ANO8: variants seen among roughly 807,000 people sequenced by gnomAD.
ANO8 encodes anoctamin 8.
A neutral mutation model predicts 120.4 loss-of-function variants in ANO8; 67 were observed. The ratio of observed to expected loss-of-function variants is 0.56; its 90% CI spans 0.46 to 0.68. ANO8 has a LOEUF of 0.68. ANO8 is among the 30% of genes least tolerant of loss of function. The pLI, the probability that ANO8 is intolerant of heterozygous loss-of-function variation, is 0.00. For missense variants in ANO8, 1,526 were observed against 1,737.6 expected, an observed-to-expected ratio of 0.88 and a Z score of 2.16; for synonymous variants, 727 against 759.2, an observed-to-expected ratio of 0.96 and a Z score of 0.70.
intron 16 of ANO8, among the ~76,000 whole-genome samples, chr19:17,326,200 A>C (rs141112702): frequency 6.6e-6 from 1 of 152,340 alleles, no homozygotes; most frequent in African/African-American, 2.4e-5. Flanking sequence ...CCCAGAGAAC[A>C]GGCAAGAGAC....
At position 17,333,860 on chromosome 19, in the gene ANO8, G is replaced by T; in HGVS notation, c.107-60C>A. 7.0e-7 allele frequency: 1 copy of T among 1,426,312 alleles called. No individual in the cohort carries two copies. The highest frequency in any genetic ancestry group is 9.7e-7 in the Non-Finnish European group (1 of 1,035,648). 88.4% of individuals were successfully genotyped at this position (1,426,312 alleles called of 1,614,324 possible). On this transcript the variant is annotated intron_variant, in intron 1 of 17. Coordinates refer to ENST00000159087, the MANE Select transcript of ANO8 (RefSeq NM_020959.3). The surrounding 1 kb of genome is among the most constrained non-coding windows in gnomAD (Gnocchi z 7.2). Reference sequence around the variant, plus strand: ...CTCTGGGATCCGGACCCGGCCTCCAGTCTTGGCTCCTCCTGCCCCCGCCAG... The same window carrying T: ...CTCTGGGATCCGGACCCGGCCTCCATTCTTGGCTCCTCCTGCCCCCGCCAG...
At position 17,324,795 on chromosome 19, in the gene ANO8, G is replaced by A. The variant is rs754345088; in HGVS notation, c.3253C>T (p.Arg1085Trp). ...PDGTPSSGSS[R>W]VQRSGPVDEA... is the part of the protein sequence containing the mutation. ...TCCACCGGCCCACTCCTCTGAACCCGGCTGCTGCCACTGCTGGGGGTCCCA... is the reference window on the plus strand; with the variant it reads ...TCCACCGGCCCACTCCTCTGAACCCAGCTGCTGCCACTGCTGGGGGTCCCA... Residue 1085 changes from arginine to tryptophan, a missense_variant, in exon 17 of 18, where the codon CGG becomes TGG. Arg to Trp is a moderately radical substitution (Grantham distance 101). This residue lies in a region of ANO8 where 489 missense variants were observed against 548.6 expected (regional missense o/e 0.89). Coordinates refer to ENST00000159087, the MANE Select transcript of ANO8 (RefSeq NM_020959.3). 4.4e-6 allele frequency: 7 copies of A among 1,593,800 alleles called. No individual in the cohort carries two copies. The highest frequency in any genetic ancestry group is 1.8e-5 in the Admixed American group (1 of 57,000).
rs1476290872 is a variant in ANO8, at chr19:17,330,158, A to C, written c.1240T>G (p.Tyr414Asp). Residue 414 changes from tyrosine (Y) to aspartate (D), a missense_variant, in exon 10 of 18, where the codon TAC (tyrosine) becomes GAC (aspartate). Physicochemically the swap from Tyr to Asp is radical, Grantham distance 160. Coordinates refer to ENST00000159087, the MANE Select transcript of ANO8 (RefSeq NM_020959.3). ...TTGAGCCAGATGGCTAGCTTCTTGT[A>C]GCCCTCGGCACTCACACTGACAAGC... ...ALLVSVSAEG[Y>D]KKLAIWLNDM... is the part of the protein sequence containing the mutation. The C allele has an allele frequency of 6.2e-7, 1 of 1,613,912 alleles. No homozygotes were observed. The highest frequency in any genetic ancestry group is 8.5e-7 in the Non-Finnish European group (1 of 1,180,020).
In ANO8 at chr19:17,333,057, C is replaced by G; in HGVS notation, c.490-31G>C. Reference sequence around the variant, plus strand: ...AGGAAGAGGGCGTGAGCTCAGGGAACTCATAGGCACAGGATGCATGCGGGG... The same window carrying G: ...AGGAAGAGGGCGTGAGCTCAGGGAAGTCATAGGCACAGGATGCATGCGGGG... On this transcript the variant is annotated intron_variant, in intron 4 of 17. Coordinates refer to ENST00000159087, the MANE Select transcript of ANO8 (RefSeq NM_020959.3). The surrounding 1 kb of genome is among the most constrained non-coding windows in gnomAD (Gnocchi z 7.2). 2 of 1,614,050 alleles carry G rather than the reference C, an allele frequency of 1.2e-6. No individual in the cohort carries two copies. The highest frequency in any genetic ancestry group is 2.2e-5 in the East Asian group (1 of 44,886).
chr19:17,331,298 G>T lies in ANO8; in HGVS notation c.700C>A (p.Leu234Ile). The change falls in exon 6 of 18, where the codon CTA (leucine) becomes ATA (isoleucine). Residue 234 changes from leucine (L) to isoleucine (I), a missense_variant. Physicochemically the swap from Leu to Ile is conservative, Grantham distance 5. Around this residue, in one of 8 missense-constraint regions of ANO8, gnomAD observed 322 missense variants for 431.8 expected, o/e 0.75. Coordinates refer to ENST00000159087, the MANE Select transcript of ANO8 (RefSeq NM_020959.3). ...WVQAVCENQPLDDICDYFGVK... is the reference protein window; with the variant it reads ...WVQAVCENQPIDDICDYFGVK... ...CACCCCCCAGCCCAGGCAGCACCTA[G>T]AGGCTGGTTTTCACACACGGCCTGC... The T allele has an allele frequency of 6.2e-7, 1 of 1,614,152 alleles. No homozygotes were observed. The highest frequency in any genetic ancestry group is 8.5e-7 in the Non-Finnish European group (1 of 1,180,030).
intron 16 of ANO8, among the ~76,000 whole-genome samples, chr19:17,325,884 TG>T (rs2145684244): frequency 6.6e-6 from 1 of 152,254 alleles, no homozygotes; most frequent in East Asian, 1.9e-4. Context: ...GCTGAGATTG[TG>T]CCATTGCACT....
At position 17,333,492 on chromosome 19, in the gene ANO8, G is replaced by T; in HGVS notation, c.280C>A (p.Leu94Ile). Residue 94 changes from leucine to isoleucine, a missense_variant, in exon 3 of 18, where the codon CTC becomes ATC. By Grantham distance (5) the Leu-to-Ile change is conservative (BLOSUM62 2). Coordinates refer to ENST00000159087, the MANE Select transcript of ANO8 (RefSeq NM_020959.3). The surrounding 1 kb of genome is among the most constrained non-coding windows in gnomAD (Gnocchi z 7.2). ...LNHIRVGIPELIVQVRHHRHT... is the reference protein window; with the variant it reads ...LNHIRVGIPEIIVQVRHHRHT... ...CGGTGGTGGCGGACTTGCACGATGA[G>T]CTCGGGAATGCCCACGCGGATGTGG... is the stretch of plus-strand genomic sequence containing the variant. The T allele has an allele frequency of 6.2e-7, 1 of 1,613,196 alleles. No individual in the cohort carries two copies. The highest frequency in any genetic ancestry group is 8.5e-7 in the Non-Finnish European group (1 of 1,180,002).
intron 1 of ANO8, 80 bp downstream of exon 1, chr19:17,334,485 C>T (rs901443938): frequency 7.9e-7 from 1 of 1,257,946 alleles, no homozygotes; most frequent in Non-Finnish European, 1.1e-6. Context: ...TACGTTTGAC[C>T]CTGATCCTCC....
At position 17,325,211 on chromosome 19, in the gene ANO8, G is replaced by T; in HGVS notation, c.2837C>A (p.Ala946Asp). Residue 946 changes from alanine to aspartate, a missense_variant, in exon 17 of 18, where the codon GCC becomes GAC. Around this residue, in one of 8 missense-constraint regions of ANO8, gnomAD observed 489 missense variants for 548.6 expected, o/e 0.89. Coordinates refer to ENST00000159087, the MANE Select transcript of ANO8 (RefSeq NM_020959.3). The part of the protein sequence containing the change: ...GLDPATSSEK[A>D]SAKAKGSTAG... Reference sequence around the variant, plus strand: ...AGTGCTGCCCTTGGCCTTGGCAGAGGCCTTCTCGGAGGAGGTGGCAGGGTC... The same window carrying T: ...AGTGCTGCCCTTGGCCTTGGCAGAGTCCTTCTCGGAGGAGGTGGCAGGGTC... 1.2e-6 allele frequency: 2 copies of T among 1,612,316 alleles called. No homozygotes were observed. The highest frequency in any genetic ancestry group is 8.5e-7 in the Non-Finnish European group (1 of 1,179,800).
In ANO8 at chr19:17,323,549, GGGGGCT is replaced by G. The variant is rs765516826; in HGVS notation, c.3661_3666del (p.Ser1221_Pro1222del). 82 of 1,293,446 alleles carry G rather than the reference GGGGGCT, an allele frequency of 6.3e-5. No individual in the cohort carries two copies. In the East Asian group the frequency reaches 1.7e-3, roughly 27 times the overall value. 80.1% of individuals were successfully genotyped at this position (1,293,446 alleles called of 1,614,324 possible). ...CAGCCGCTGGGCCAGCACACGGCCT[GGGGGCT>G]GGGGCTGGGGCTAGGGGAGGGCGCT... On this transcript the variant is annotated inframe_deletion, in exon 18 of 18. Transcript: ENST00000159087.
Position 17,327,579 on chromosome 19 carries a change from G to A in ANO8, c.2419-10C>T. ...TGGCCTCCATCACCTTCTGCAGGGC[G>A]GCAGGAGGGCTCAGGCGGGGTCCAG... On this transcript the variant is annotated splice_polypyrimidine_tract_variant and intron_variant, in intron 14 of 17. Transcript: ENST00000159087. 5 of 1,613,220 alleles carry A rather than the reference G, an allele frequency of 3.1e-6. No homozygotes were observed. Among genetic ancestry groups the A allele is most frequent in the Non-Finnish European group, 4.2e-6 (5 of 1,179,740 alleles).
Position 17,329,827 on chromosome 19 carries a change from T to G in ANO8, c.1334A>C (p.Gln445Pro), listed in dbSNP as rs377317921. The change falls in exon 12 of 18, where the codon CAG (glutamine) becomes CCG (proline). Residue 445 changes from glutamine (Q) to proline (P), a missense_variant. Coordinates refer to ENST00000159087, the MANE Select transcript of ANO8 (RefSeq NM_020959.3). ...GAGGCTCAGGTACGAGTTGACAAACTGGAACTGCAGGAAGGAGGCAGGCGG... is the reference window on the plus strand; with the variant it reads ...GAGGCTCAGGTACGAGTTGACAAACGGGAACTGCAGGAAGGAGGCAGGCGG... ...KHLIIKVVLF[Q>P]FVNSYLSLFY... is the part of the protein sequence containing the mutation. 6.2e-7 allele frequency: 1 copy of G among 1,613,834 alleles called. No homozygotes were observed. Among genetic ancestry groups the G allele is most frequent in the Non-Finnish European group, 8.5e-7 (1 of 1,179,964 alleles).
chr19:17,327,606 C>T (rs529255891), intron 14 of ANO8, 37 bp from the exon 15 acceptor site: 2 of 1,610,976 alleles, frequency 1.2e-6, no homozygotes, highest in South Asian at 1.1e-5. Context: ...GGGGTCCAGC[C>T]GGCCTCCCCA....
Position 17,333,517 on chromosome 19 carries a change from G to A in ANO8, c.255C>T (p.Asn85=). 1 of 1,612,936 alleles carries A rather than the reference G, an allele frequency of 6.2e-7. No individual in the cohort carries two copies. Among genetic ancestry groups the A allele is most frequent in the Non-Finnish European group, 8.5e-7 (1 of 1,179,994 alleles). ...TDDHTLLWLL[N]HIRVGIPELI... is the part of the protein sequence containing the mutation. ...GCTCGGGAATGCCCACGCGGATGTGGTTCAGCAGCCATAGCAGCGTGTGGT... is the reference window on the plus strand; with the variant it reads ...GCTCGGGAATGCCCACGCGGATGTGATTCAGCAGCCATAGCAGCGTGTGGT... The change falls in exon 3 of 18, where the codon AAC becomes AAT. Residue 85 remains asparagine (N), a synonymous_variant. Coordinates refer to ENST00000159087, the MANE Select transcript of ANO8 (RefSeq NM_020959.3). The surrounding 1 kb of genome is among the most constrained non-coding windows in gnomAD (Gnocchi z 7.2).
rs574145559 is a variant in ANO8 at position 17,328,677 on chromosome 19, C to T, written c.1711G>A (p.Gly571Arg). The T allele has an allele frequency of 1.1e-5, 15 of 1,401,204 alleles. No homozygotes were observed. In the Admixed American group the frequency reaches 2.2e-4, roughly 21 times the overall value. The allele number at this position is 1,401,204 out of a possible 1,614,324, so 86.8% of individuals were successfully genotyped here. A position where few individuals can be genotyped will look rare whatever the true frequency, so the allele number is the denominator to read the frequency against. Residue 571 changes from glycine (G) to arginine (R), a missense_variant, in exon 13 of 18, where the codon GGG (glycine) becomes AGG (arginine). This residue lies in a region of ANO8 where 467 missense variants were observed against 425.8 expected (regional missense o/e 1.10). Transcript: ENST00000159087. ...LVERRRAGEGGEEGDGPPGGK... is the reference protein window; with the variant it reads ...LVERRRAGEGREEGDGPPGGK... ...CCTGGAGGCCCGTCCCCCTCCTCCC[C>T]GCCTTCCCCCGCCCGCCGCCGCTCC...
chr19:17,324,737 CG>C lies in ANO8; in HGVS notation c.3310del (p.Arg1104GlyfsTer215). 2 of 1,528,092 alleles carry C rather than the reference CG, an allele frequency of 1.3e-6. No homozygotes were observed. Among genetic ancestry groups the C allele is most frequent in the Non-Finnish European group, 1.8e-6 (2 of 1,141,000 alleles). The allele number at this position is 1,528,092 out of a possible 1,614,324, so 94.7% of individuals were successfully genotyped here. A position where few individuals can be genotyped will look rare whatever the true frequency, so the allele number is the denominator to read the frequency against. On this transcript the variant is annotated frameshift_variant, in exon 17 of 18. Coordinates refer to ENST00000159087, the MANE Select transcript of ANO8 (RefSeq NM_020959.3). LOFTEE classifies it low-confidence loss of function (END_TRUNC). Reference protein sequence around the residue: ...EALAEELEAPRPEEEGSGTAL... With the variant: ...EALAEELEAPXPEEEGSGTAL... ...GTGACCTGAGCCTTCCTCTTCGGGC[CG>C]GGGGGCTTCCAGCTCCTCAGCCAGG...
At chr19:17,330,058 C>CA (rs2074305329) in intron 10 of ANO8, 44 bp from the exon 11 acceptor site, 8 of 1,613,776 alleles carry the variant, frequency 5.0e-6, no homozygotes, top group Non-Finnish European at 6.8e-6. Context: ...GCGGTCCCCC[C>CA]AAGGGTGGCA....
Position 17,334,630 on chromosome 19 carries a change from T to G in ANO8, c.41A>C (p.Glu14Ala), listed in dbSNP as rs2074348643. Reference sequence around the variant, plus strand: ...CGGGGGCCTCTTGCCACGCTCGCCCTCCAGGGACGTGCCCCCGGCGCCGGA... The same window carrying G: ...CGGGGGCCTCTTGCCACGCTCGCCCGCCAGGGACGTGCCCCCGGCGCCGGA... The part of the protein sequence containing the change: ...AASGAGGTSL[E>A]GERGKRPPPE... The change falls in exon 1 of 18, where the codon GAG becomes GCG. Residue 14 changes from glutamate to alanine, a missense_variant. Coordinates refer to ENST00000159087, the MANE Select transcript of ANO8 (RefSeq NM_020959.3). 4 of 1,506,836 alleles carry G rather than the reference T, an allele frequency of 2.7e-6. No homozygotes were observed. Among genetic ancestry groups the G allele is most frequent in the Non-Finnish European group, 3.5e-6 (4 of 1,135,636 alleles). 93.3% of individuals were successfully genotyped at this position (1,506,836 alleles called of 1,614,324 possible).
chr19:17,323,543 C>A lies in ANO8; in HGVS notation c.3673G>T (p.Val1225Leu). ...TAATGCCAGCCGCTGGGCCAGCACACGGCCTGGGGGCTGGGGCTGGGGCTA... is the reference window on the plus strand; with the variant it reads ...TAATGCCAGCCGCTGGGCCAGCACAAGGCCTGGGGGCTGGGGCTGGGGCTA... ...SPSPSPSPQA[V>L]CWPSGWH Residue 1225 changes from valine to leucine, a missense_variant, in exon 18 of 18, where the codon GTG becomes TTG. Physicochemically the swap from Val to Leu is conservative, Grantham distance 32. This residue lies in a region of ANO8 where 489 missense variants were observed against 548.6 expected (regional missense o/e 0.89). Transcript: ENST00000159087. The A allele has an allele frequency of 1.6e-6, 2 of 1,245,756 alleles. No homozygotes were observed. Among genetic ancestry groups the A allele is most frequent in the Non-Finnish European group, 2.0e-6 (2 of 989,542 alleles). 77.2% of individuals were successfully genotyped at this position (1,245,756 alleles called of 1,614,324 possible).
Sources: gnomAD v4.1 joint callset for allele counts (sites outside exome capture counted in the v4.1 genomes callset) on GRCh38, gnomAD v4.1.1 for gene constraint, gnomAD v4.1.1 regional missense constraint, Gnocchi (gnomAD v3.1) non-coding constraint, MANE v1.5 for transcripts, NCBI Gene and HGNC (gene_info 2026-07-23, HGNC 2026-07-21) for gene names.